Variants in SLC2A13 observed in about 807,000 individuals in gnomAD.
The protein encoded by SLC2A13 is solute carrier family 2 member 13, also known as proton myo-inositol cotransporter.
In SLC2A13, 32 loss-of-function variants were observed where a neutral mutation model predicts 64.4. That is an observed-to-expected ratio of 0.50 (90% CI 0.37 to 0.67). SLC2A13 has a LOEUF of 0.67. Among genes scored for constraint, SLC2A13 ranks in the 30% least tolerant of loss-of-function variants. The pLI, the probability that SLC2A13 is intolerant of heterozygous loss-of-function variation, is 0.00. For missense variants in SLC2A13, 743 were observed against 829.2 expected (o/e 0.90, Z 1.28); for synonymous variants, 338 against 327.1 (o/e 1.03, Z -0.36).
intron 3 of SLC2A13, among the ~76,000 whole-genome samples, chr12:39,997,235 A>G (rs971740383): frequency 6.6e-6 from 1 of 152,178 alleles, no homozygotes; most frequent in East Asian, 1.9e-4. Flanking sequence ...AAACCCAAAT[A>G]CTTACAACCA....
At chr12:39,871,615 G>A (rs543780368) in intron 5 of SLC2A13, among the ~76,000 whole-genome samples, 183 bp downstream of exon 5, 42 of 151,912 alleles carry the variant, frequency 2.8e-4, no homozygotes, top group East Asian at 9.6e-4. Flanking sequence ...TTCTAGTCAC[G>A]TAGCGTAACA....
chr12:39,943,665 A>G (rs1946080655), intron 4 of SLC2A13, among the ~76,000 whole-genome samples: 1 of 152,184 alleles, frequency 6.6e-6, no homozygotes, highest in Non-Finnish European at 1.5e-5. Context: ...GAGAATTTCA[A>G]GCCAGTGGAT....
intron 4 of SLC2A13, among the ~76,000 whole-genome samples, chr12:39,924,567 C>G (rs1945680917): frequency 6.6e-6 from 1 of 151,678 alleles, no homozygotes; most frequent in Non-Finnish European, 1.5e-5. Flanking sequence ...AACATAGATA[C>G]TAAGTATCTA....
At chr12:40,006,697 T>C (rs1046149758) in intron 3 of SLC2A13, among the ~76,000 whole-genome samples, 1 of 152,172 alleles carries the variant, frequency 6.6e-6, no homozygotes, top group Non-Finnish European at 1.5e-5. Flanking sequence ...TACAGTTAGA[T>C]ATAAACATTG....
intron 5 of SLC2A13, 126 bp downstream of exon 5, chr12:39,871,672 T>C (rs1010676313): frequency 7.3e-6 from 7 of 963,394 alleles, no homozygotes; most frequent in South Asian, 3.0e-5. Flanking sequence ...AGAAGAACTC[T>C]AATTTTTTTG....
intron 1 of SLC2A13, among the ~76,000 whole-genome samples, chr12:40,073,525 G>A (rs968443324): frequency 9.9e-5 from 15 of 151,910 alleles, no homozygotes; most frequent in African/African-American, 2.4e-4. Context: ...GTTTTCTTAC[G>A]TAGATCTGAG....
At position 40,038,216 on chromosome 12, in the gene SLC2A13, T is replaced by TC. The variant is rs1479045778; in HGVS notation, c.717-9708dup. 5.9e-5 allele frequency among the ~76,000 whole-genome samples: 9 copies of TC among 152,322 alleles called. No individual in the cohort carries two copies. In the South Asian group the frequency reaches 1.9e-3, roughly 32 times the overall value. ...ATTTTCTTTCCATTCAAAGCTATTT[T>TC]CCAATTTTCCTTCTGATTTCTCCTT... On this transcript the variant is annotated intron_variant, in intron 2 of 9. Transcript: ENST00000280871.
intron 1 of SLC2A13, among the ~76,000 whole-genome samples, chr12:40,075,923 C>A (rs142376303): frequency 3.2e-4 from 49 of 152,224 alleles, no homozygotes; most frequent in Non-Finnish European, 6.3e-4. Context: ...TATTAAAGTA[C>A]GTGTTTTTCT....
chr12:39,972,021 TTTATATAA>T (rs1946663952), intron 3 of SLC2A13, among the ~76,000 whole-genome samples: 1 of 82,068 alleles, frequency 1.2e-5, no homozygotes, highest in East Asian at 3.0e-4. Flanking sequence ...TATATTTTTT[TTTATATAA>T]ATATATATAT....
intron 7 of SLC2A13, among the ~76,000 whole-genome samples, chr12:39,783,065 C>T (rs373656587): frequency 6.6e-6 from 1 of 152,126 alleles, no homozygotes; most frequent in Non-Finnish European, 1.5e-5. Context: ...GTTCCCCATC[C>T]TGTGTCCAAC....
chr12:40,021,565 A>C (rs564670742), intron 3 of SLC2A13, among the ~76,000 whole-genome samples: 40 of 152,298 alleles, frequency 2.6e-4, no homozygotes, highest in Non-Finnish European at 4.6e-4. Context: ...ATACTTTGAC[A>C]ATTTTTGGAA....
At chr12:39,969,067 G>A (rs1015785986) in intron 3 of SLC2A13, among the ~76,000 whole-genome samples, 12 of 151,794 alleles carry the variant, frequency 7.9e-5, no homozygotes, top group African/African-American at 2.7e-4. Context: ...TTTTGTCCTT[G>A]CGATAGTTTG....
At chr12:39,816,714 A>G (rs181882670) in intron 7 of SLC2A13, among the ~76,000 whole-genome samples, 239 of 152,226 alleles carry the variant, frequency 1.6e-3, no homozygotes, top group African/African-American at 5.6e-3. Context: ...ATGAAAAACA[A>G]ACAAATAAGC....
intron 6 of SLC2A13, among the ~76,000 whole-genome samples, chr12:39,840,707 C>CA (rs1484047682): frequency 6.6e-6 from 1 of 152,036 alleles, no homozygotes; most frequent in African/African-American, 2.4e-5. Context: ...CAGAGTATCA[C>CA]AAAACGCTCA....
chr12:39,978,363 C>T (rs146657687), intron 3 of SLC2A13, among the ~76,000 whole-genome samples: 2 of 152,308 alleles, frequency 1.3e-5, no homozygotes, highest in East Asian at 1.9e-4. Context: ...CAGCTCCCAG[C>T]GTAAGCGATG....
intron 7 of SLC2A13, among the ~76,000 whole-genome samples, chr12:39,818,553 A>G (rs1223415674): frequency 6.6e-6 from 1 of 152,164 alleles, no homozygotes; most frequent in African/African-American, 2.4e-5. Flanking sequence ...TTCTAATTAC[A>G]TAAGTAGCTT....
chr12:39,974,404 T>C (rs776998481), intron 3 of SLC2A13, among the ~76,000 whole-genome samples: 4 of 152,226 alleles, frequency 2.6e-5, no homozygotes, highest in Non-Finnish European at 5.9e-5. Flanking sequence ...CCATCCTGCC[T>C]GTTTTTGGTG....
chr12:40,029,322 C>A (rs1392389914), intron 2 of SLC2A13, among the ~76,000 whole-genome samples: 2 of 152,116 alleles, frequency 1.3e-5, no homozygotes, highest in East Asian at 1.9e-4. Context: ...CTTTTTGAAC[C>A]AAAGGGGCTG....
rs1329253154 is a variant in SLC2A13, at chr12:39,756,988, A to G, written c.*3038T>C. The G allele has an allele frequency of 1.3e-5, 2 of 151,596 alleles. No individual in the cohort carries two copies. The highest frequency in any genetic ancestry group is 1.3e-4 in the Admixed American group (2 of 15,180). 9.4% of individuals were successfully genotyped at this position (151,596 alleles called of 1,614,324 possible). ...ATTATTTATTATTTAAATATTTTAC[A>G]TATATTAAAAATAATCATGTTTTGG... On this transcript the variant is annotated 3_prime_UTR_variant, in exon 10 of 10. Coordinates refer to ENST00000280871, the MANE Select transcript of SLC2A13 (RefSeq NM_052885.4).
Sources: allele counts gnomAD v4.1 joint callset (sites outside exome capture counted in the v4.1 genomes callset), GRCh38; gene constraint gnomAD v4.1.1; transcripts MANE v1.5; gene names NCBI Gene and HGNC (gene_info 2026-07-23, HGNC 2026-07-21).